Variants in PALM2AKAP2 observed in about 807,000 individuals in gnomAD.
PALM2AKAP2 encodes the protein PALM2 and AKAP2 fusion, also known as PALM2-AKAP2 fusion protein.
A neutral mutation model predicts 71.5 loss-of-function variants in PALM2AKAP2; 37 were observed. The ratio of observed to expected loss-of-function variants is 0.52; its 90% CI spans 0.40 to 0.68. PALM2AKAP2 has a LOEUF of 0.68. PALM2AKAP2 is among the 30% of genes least tolerant of loss of function. PALM2AKAP2 has a pLI of 0.00. For synonymous variants in PALM2AKAP2, 468 were observed against 478.8 expected (o/e 0.98, Z 0.29); for missense variants, 1,224 against 1,191.8 (o/e 1.03, Z -0.40).
chr9:109,963,757 A>G (rs1257274460), intron 6 of PALM2AKAP2, among the ~76,000 whole-genome samples: 1 of 152,206 alleles, frequency 6.6e-6, no homozygotes, highest in Non-Finnish European at 1.5e-5. Context: ...CCCAGCTCAC[A>G]TCCAGAACTC....
chr9:109,784,841 T>G (rs1024381796), intron 1 of PALM2AKAP2, among the ~76,000 whole-genome samples: 1 of 152,242 alleles, frequency 6.6e-6, no homozygotes, highest in Admixed American at 6.5e-5. Flanking sequence ...GCAGCCTGAG[T>G]GTGAGCCACA....
chr9:109,888,059 A>C (rs969644340), intron 3 of PALM2AKAP2, among the ~76,000 whole-genome samples: 9 of 152,162 alleles, frequency 5.9e-5, no homozygotes, highest in Non-Finnish European at 1.3e-4. Context: ...CATGAAGTGC[A>C]GGTTTCATTT....
At chr9:110,105,045 C>T (rs1180074355) in intron 1 of PALM2AKAP2, among the ~76,000 whole-genome samples, 1 of 152,174 alleles carries the variant, frequency 6.6e-6, no homozygotes, top group African/African-American at 2.4e-5. Context: ...TACAGAGTAA[C>T]CCCATTTTAC....
At chr9:109,875,231 T>A (rs960180421) in intron 2 of PALM2AKAP2, among the ~76,000 whole-genome samples, 2 of 152,188 alleles carry the variant, frequency 1.3e-5, no homozygotes, top group Non-Finnish European at 2.9e-5. Context: ...GGAACACCCC[T>A]CCGGATCTCA....
chr9:110,023,476 G>A (rs142864187), intron 7 of PALM2AKAP2, among the ~76,000 whole-genome samples: 2,982 of 151,626 alleles, frequency 0.02, 92 homozygotes, highest in African/African-American at 0.068. Context: ...CACCACGCCC[G>A]GATAATTTTG....
At chr9:109,708,769 A>G (rs923706466) in intron 1 of PALM2AKAP2, among the ~76,000 whole-genome samples, 6 of 152,210 alleles carry the variant, frequency 3.9e-5, no homozygotes, top group East Asian at 1.9e-4. Context: ...TAAAATTACC[A>G]TGAGGTTCTG....
At chr9:109,855,292 C>T (rs536193967) in intron 1 of PALM2AKAP2, among the ~76,000 whole-genome samples, 4 of 152,198 alleles carry the variant, frequency 2.6e-5, no homozygotes, top group East Asian at 1.9e-4. Flanking sequence ...AGGCTGGTCT[C>T]GAACTCCTGA....
At chr9:109,921,062 G>C (rs146655330) in intron 3 of PALM2AKAP2, among the ~76,000 whole-genome samples, 279 of 152,242 alleles carry the variant, frequency 1.8e-3, no homozygotes, top group Non-Finnish European at 3.0e-3. Flanking sequence ...CTTTATGTTC[G>C]TATCTCTAGA....
At chr9:109,728,902 C>T (rs1331089663) in intron 1 of PALM2AKAP2, among the ~76,000 whole-genome samples, 2 of 152,068 alleles carry the variant, frequency 1.3e-5, no homozygotes, top group African/African-American at 2.4e-5. Context: ...ACTGAAACAT[C>T]CTGTGGATAT....
At chr9:110,035,775 T>TATAACATATATA (rs1428150229) in intron 7 of PALM2AKAP2, among the ~76,000 whole-genome samples, 2 of 127,176 alleles carry the variant, frequency 1.6e-5, no homozygotes, top group Non-Finnish European at 3.2e-5. Context: ...GTATGTTATA[T>TATAACATATATA]GTAACATATA....
intron 1 of PALM2AKAP2, among the ~76,000 whole-genome samples, chr9:109,842,962 G>T (rs1354630331): frequency 1.3e-5 from 2 of 151,928 alleles, no homozygotes; most frequent in African/African-American, 4.8e-5. Context: ...CCAACGTGGA[G>T]AAACCCCATC....
chr9:109,864,151 G>T (rs1829384304), intron 1 of PALM2AKAP2, among the ~76,000 whole-genome samples: 1 of 152,146 alleles, frequency 6.6e-6, no homozygotes, highest in South Asian at 2.1e-4. Context: ...TTGTCATGGG[G>T]CCAGGCCCAG....
In PALM2AKAP2 at chr9:109,904,486, C is replaced by A. The variant is rs534361467; in HGVS notation, c.258-19249C>A. On this transcript the variant is annotated intron_variant, in intron 3 of 9. Transcript: ENST00000302798. ...TTCACATGAAAACATTTATGCAGGTCCCAGGTCATTGCCTCTGCATGAGAC... is the reference window on the plus strand; with the variant it reads ...TTCACATGAAAACATTTATGCAGGTACCAGGTCATTGCCTCTGCATGAGAC... Among the ~76,000 whole-genome samples, 194 of 152,260 alleles carry A rather than the reference C, an allele frequency of 1.3e-3. 1 individual carries two copies. Among genetic ancestry groups the A allele is most frequent in the African/African-American group, 4.5e-3 (186 of 41,552 alleles).
chr9:110,018,941 C>T (rs1018011669), intron 7 of PALM2AKAP2, among the ~76,000 whole-genome samples: 29 of 152,098 alleles, frequency 1.9e-4, no homozygotes, highest in African/African-American at 6.3e-4. Context: ...ATTAAAACCG[C>T]GATGAGATAC....
intron 1 of PALM2AKAP2, among the ~76,000 whole-genome samples, chr9:109,677,488 T>C (rs891637274): frequency 6.6e-6 from 1 of 151,976 alleles, no homozygotes; most frequent in Non-Finnish European, 1.5e-5. Context: ...GCCAACATGG[T>C]GAAACCCCGT....
chr9:109,863,797 G>A (rs959928416), intron 1 of PALM2AKAP2, among the ~76,000 whole-genome samples: 5 of 149,480 alleles, frequency 3.3e-5, no homozygotes, highest in Non-Finnish European at 6.0e-5. Context: ...CCATCACTAT[G>A]GGCTGGGTTC....
At chr9:109,826,522 A>C (rs1828155478) in intron 1 of PALM2AKAP2, among the ~76,000 whole-genome samples, 1 of 152,194 alleles carries the variant, frequency 6.6e-6, no homozygotes, top group Admixed American at 6.5e-5. Flanking sequence ...GAGTTTTAGA[A>C]GATAGTGATG....
chr9:109,669,102 G>A (rs1218827005), intron 1 of PALM2AKAP2, among the ~76,000 whole-genome samples: 5 of 152,308 alleles, frequency 3.3e-5, no homozygotes, highest in East Asian at 1.9e-4. Context: ...CTTTAGGGAC[G>A]TAGAGGTAAG....
chr9:110,092,350 T>G (rs1404335370), intron 1 of PALM2AKAP2, among the ~76,000 whole-genome samples: 1 of 152,110 alleles, frequency 6.6e-6, no homozygotes, highest in Non-Finnish European at 1.5e-5. Flanking sequence ...AGAAGTAAGA[T>G]CTGATTGACT....
Sources: gnomAD v4.1 joint callset for allele counts (sites outside exome capture counted in the v4.1 genomes callset) on GRCh38, gnomAD v4.1.1 for gene constraint, MANE v1.5 for transcripts, NCBI Gene and HGNC (gene_info 2026-07-23, HGNC 2026-07-21) for gene names.